The following CCSER1 variants were observed in gnomAD, a reference collection of about 807,000 sequenced individuals.
CCSER1 encodes coiled-coil serine rich protein 1.
In CCSER1, 41 loss-of-function variants were observed where a neutral mutation model predicts 82.0. The observed-to-expected ratio is 0.50, with a 90% CI of 0.39 to 0.65. The LOEUF is 0.65. Ranked by LOEUF, CCSER1 falls within the 30% of genes least tolerant of loss-of-function variation. The probability of loss-of-function intolerance (pLI) is 0.00; values close to 1 mark genes in which losing one functional copy is unlikely to be tolerated. For synonymous variants in CCSER1, 414 were observed against 383.9 expected (o/e 1.08, Z -0.92); for missense variants, 1,119 against 1,064.2 (o/e 1.05, Z -0.72).
chr4:90,384,897 C>T (rs1749772798), intron 3 of CCSER1, among the ~76,000 whole-genome samples: 2 of 152,152 alleles, frequency 1.3e-5, no homozygotes, highest in South Asian at 2.1e-4. Context: ...TGCACCATTC[C>T]TCTGAGTCTC....
At chr4:90,771,472 A>G (rs779237575) in intron 7 of CCSER1, among the ~76,000 whole-genome samples, 13 of 151,286 alleles carry the variant, frequency 8.6e-5, no homozygotes, top group Non-Finnish European at 1.8e-4. Context: ...TACTATTTGT[A>G]CATCCCACTA....
intron 10 of CCSER1, among the ~76,000 whole-genome samples, chr4:91,500,652 A>G (rs909504636): frequency 3.9e-5 from 6 of 152,064 alleles, no homozygotes; most frequent in African/African-American, 1.2e-4. Flanking sequence ...AACTGATTAT[A>G]AAACTATTTT....
chr4:91,053,848 T>A (rs1053153121), intron 9 of CCSER1, among the ~76,000 whole-genome samples: 7 of 152,238 alleles, frequency 4.6e-5, no homozygotes, highest in African/African-American at 1.7e-4. Context: ...CTTGTTCTTT[T>A]TCTGTTCATA....
chr4:90,778,823 A>G (rs1489993250), intron 7 of CCSER1, among the ~76,000 whole-genome samples: 1 of 152,182 alleles, frequency 6.6e-6, no homozygotes, highest in Non-Finnish European at 1.5e-5. Flanking sequence ...ACCATATTGA[A>G]TTAATTTACT....
intron 10 of CCSER1, among the ~76,000 whole-genome samples, chr4:91,484,684 T>C (rs962376846): frequency 6.6e-6 from 1 of 152,188 alleles, no homozygotes; most frequent in Non-Finnish European, 1.5e-5. Context: ...CACTTGTCAA[T>C]GAATTCTTCA....
chr4:90,628,196 G>C lies in CCSER1; in HGVS notation c.1896G>C (p.Lys632Asn), dbSNP rs773887439. Residue 632 changes from lysine (K) to asparagine (N), a missense_variant, in exon 6 of 11, where the codon AAG (lysine) becomes AAC (asparagine). By Grantham distance (94) the Lys-to-Asn change is moderately conservative (BLOSUM62 0). Transcript: ENST00000509176. ...TGTTACAGGACTGCACGGCAGTCAA[G>C]ACGTTATTATTAAAGATGAAGAGAG... ...RLMLQDCTAV[K>N]TLLLKMKRVL... The C allele has an allele frequency of 6.2e-7, 1 of 1,613,828 alleles. No individual in the cohort carries two copies. Among genetic ancestry groups the C allele is most frequent in the Non-Finnish European group, 8.5e-7 (1 of 1,179,810 alleles).
intron 7 of CCSER1, among the ~76,000 whole-genome samples, chr4:90,768,911 G>T (rs544603708): frequency 1.3e-5 from 2 of 152,240 alleles, no homozygotes; most frequent in Admixed American, 1.3e-4. Flanking sequence ...TGATGGCTTT[G>T]AAAATTCTCA....
chr4:90,715,833 C>G (rs963867749), intron 6 of CCSER1, among the ~76,000 whole-genome samples: 2 of 151,812 alleles, frequency 1.3e-5, no homozygotes, highest in Non-Finnish European at 2.9e-5. Flanking sequence ...TCTTTCAGCC[C>G]AGTAATTTCA....
chr4:91,217,925 G>A (rs151117016), intron 10 of CCSER1, among the ~76,000 whole-genome samples: 25,971 of 152,212 alleles, frequency 0.17, 2,349 homozygotes, highest in South Asian at 0.21. Context: ...ATCCCGCACC[G>A]GGGCTGCAGG....
intron 3 of CCSER1, among the ~76,000 whole-genome samples, chr4:90,334,169 A>G (rs1003193104): frequency 9.9e-5 from 15 of 152,134 alleles, no homozygotes; most frequent in African/African-American, 3.4e-4. Flanking sequence ...GATAATGCAC[A>G]AAGTATTTCA....
chr4:91,234,514 G>A (rs1738856489), intron 10 of CCSER1, among the ~76,000 whole-genome samples: 1 of 152,172 alleles, frequency 6.6e-6, no homozygotes, highest in South Asian at 2.1e-4. Flanking sequence ...ATATTTTGCA[G>A]AATGCAGGAT....
chr4:91,000,162 A>T (rs569959742), intron 9 of CCSER1, among the ~76,000 whole-genome samples: 2 of 151,972 alleles, frequency 1.3e-5, no homozygotes, highest in South Asian at 2.1e-4. Context: ...TTTTTGTACC[A>T]GTACCTTATA....
chr4:90,456,967 C>A (rs1256881152), intron 4 of CCSER1, among the ~76,000 whole-genome samples: 1 of 152,174 alleles, frequency 6.6e-6, no homozygotes, highest in Non-Finnish European at 1.5e-5. Context: ...GCCTGGCAGT[C>A]TGCACTCGGC....
chr4:91,351,979 C>G (rs193173634), intron 10 of CCSER1, among the ~76,000 whole-genome samples: 1 of 152,088 alleles, frequency 6.6e-6, no homozygotes, highest in Non-Finnish European at 1.5e-5. Context: ...CAATGAGAAA[C>G]ACAGAAGTAC....
intron 5 of CCSER1, among the ~76,000 whole-genome samples, chr4:90,534,320 G>C (rs143278752): frequency 0.01 from 1,570 of 152,160 alleles, 25 homozygotes; most frequent in African/African-American, 0.036. Flanking sequence ...TAGTAGAGAC[G>C]GGGTTTCACC....
chr4:91,000,288 AGG>A (rs2150474775), intron 9 of CCSER1, among the ~76,000 whole-genome samples: 1 of 151,730 alleles, frequency 6.6e-6, no homozygotes, highest in East Asian at 1.9e-4. Flanking sequence ...TGTATAGTTT[AGG>A]TTACATACTA....
intron 4 of CCSER1, among the ~76,000 whole-genome samples, chr4:90,458,023 G>A (rs533234557): frequency 3.9e-5 from 6 of 152,282 alleles, no homozygotes; most frequent in South Asian, 4.1e-4. Flanking sequence ...GGTCATGGCC[G>A]TGCCCAGGCT....
At chr4:91,474,461 CT>C (rs936161237) in intron 10 of CCSER1, among the ~76,000 whole-genome samples, 13 of 151,418 alleles carry the variant, frequency 8.6e-5, no homozygotes, top group Non-Finnish European at 1.6e-4. Context: ...GTTGATAAAT[CT>C]TTTTAATTCA....
At chr4:90,577,709 G>C (rs997185652) in intron 5 of CCSER1, among the ~76,000 whole-genome samples, 12 of 149,886 alleles carry the variant, frequency 8.0e-5, no homozygotes, top group African/African-American at 3.0e-4. Context: ...TAAAATTTTT[G>C]TATCATATTT....
Sources: gnomAD v4.1 joint callset for allele counts (sites outside exome capture counted in the v4.1 genomes callset) on GRCh38, gnomAD v4.1.1 for gene constraint, MANE v1.5 for transcripts, NCBI Gene and HGNC (gene_info 2026-07-23, HGNC 2026-07-21) for gene names.